DNAH12: variants seen among roughly 807,000 people sequenced by gnomAD.
The protein encoded by DNAH12 is axonemal beta dynein heavy chain 12.
In DNAH12, 285 loss-of-function variants were observed where a neutral mutation model predicts 371.5. That is an observed-to-expected ratio of 0.77 (90% CI 0.70 to 0.85). The LOEUF is 0.85. Ranked by LOEUF, DNAH12 falls within the 40% of genes least tolerant of loss-of-function variation. The pLI is 0.00. For synonymous variants in DNAH12, 1,200 were observed against 1,213.0 expected, an observed-to-expected ratio of 0.99 and a Z score of 0.22; for missense variants, 3,611 against 3,689.4, an observed-to-expected ratio of 0.98 and a Z score of 0.55.
At chr3:57,459,890 C>T (rs2066006719) in intron 19 of DNAH12, 104 bp from the exon 20 acceptor site, 7 of 989,616 alleles carry the variant, frequency 7.1e-6, no homozygotes, top group Non-Finnish European at 9.3e-6. Context: ...TAAATAAGTG[C>T]AAACATCTCA....
intron 32 of DNAH12, among the ~76,000 whole-genome samples, chr3:57,432,332 G>A (rs2153366039): frequency 1.9e-5 from 2 of 105,718 alleles, no homozygotes; most frequent in South Asian, 8.3e-4. Flanking sequence ...ACCACACCCA[G>A]CTAATTTTTT....
rs561592000 is a variant in DNAH12, at chr3:57,343,653, G to A, written c.9674+8432C>T. On this transcript the variant is annotated intron_variant, in intron 60 of 73. Transcript: ENST00000495027. ...ACCTGTAAAGGGTCTGTGCTGAGGT[G>A]GATTAGTAAAAGGGGAAAGCCTCTT... 2.6e-5 allele frequency among the ~76,000 whole-genome samples: 4 copies of A among 152,264 alleles called. No individual in the cohort carries two copies. In the South Asian group the frequency reaches 6.2e-4, roughly 24 times the overall value.
At position 57,403,253 on chromosome 3, in the gene DNAH12, C is replaced by T. The variant is rs373776037; in HGVS notation, c.6948+56G>A. 2.6e-4 allele frequency: 377 copies of T among 1,468,266 alleles called. No individual in the cohort carries two copies. The African/African-American group carries it at 3.9e-3, about 15-fold the overall frequency. 91.0% of individuals were successfully genotyped at this position (1,468,266 alleles called of 1,614,324 possible). A position where few individuals can be genotyped will look rare whatever the true frequency, so the allele number is the denominator to read the frequency against. ...GCTACACAGGCTGGTTCTCTCTTTA[C>T]GAGTAAAAGAATATACTGTTTTCAT... On this transcript the variant is annotated intron_variant, in intron 43 of 73. Coordinates refer to ENST00000495027, the MANE Select transcript of DNAH12 (RefSeq NM_001366028.2).
chr3:57,515,429 A>G (rs1426375247), intron 4 of DNAH12, among the ~76,000 whole-genome samples: 2 of 139,844 alleles, frequency 1.4e-5, no homozygotes, highest in Non-Finnish European at 3.1e-5. Flanking sequence ...CCACTGGCCA[A>G]ATGTGGAACA....
intron 41 of DNAH12, 92 bp downstream of exon 41, chr3:57,405,561 A>C (rs1245620692): frequency 7.7e-5 from 40 of 517,376 alleles, no homozygotes; most frequent in South Asian, 6.1e-4. Context: ...GAATATGTTC[A>C]TTAAGAAATG....
At chr3:57,332,129 A>G (rs186868689) in intron 62 of DNAH12, among the ~76,000 whole-genome samples, 23 of 152,130 alleles carry the variant, frequency 1.5e-4, no homozygotes, top group Admixed American at 7.2e-4. Flanking sequence ...CTGCTTTAAC[A>G]TTTGTCATGA....
At chr3:57,544,351 T>G (rs1358850307), upstream of DNAH12, 1 of 152,222 alleles carries the variant, frequency 6.6e-6, no homozygotes. Flanking sequence ...GGGCGGTCGC[T>G]GACCGGTTGG....
chr3:57,324,899 C>T (rs1016517919), intron 62 of DNAH12, among the ~76,000 whole-genome samples: 6 of 152,192 alleles, frequency 3.9e-5, no homozygotes, highest in Non-Finnish European at 7.3e-5. Flanking sequence ...GCTTAAAAAA[C>T]GGCACACCAG....
In DNAH12 at chr3:57,333,246, C is replaced by A. The variant is rs139147117; in HGVS notation, c.9978+1219G>T. ...TCCCGAGCTCGAACTCCTGACCTAG[C>A]GATCCACCCACCTCAGCCTCCCAAA... On this transcript the variant is annotated intron_variant, in intron 62 of 73. Coordinates refer to ENST00000495027, the MANE Select transcript of DNAH12 (RefSeq NM_001366028.2). 2.8e-3 allele frequency among the ~76,000 whole-genome samples: 428 copies of A among 151,248 alleles called. 2 individuals carry two copies. Among genetic ancestry groups the A allele is most frequent in the African/African-American group, 9.9e-3 (405 of 41,060 alleles).
intron 4 of DNAH12, among the ~76,000 whole-genome samples, chr3:57,512,016 A>G (rs181968897): frequency 1.2e-3 from 190 of 152,092 alleles, no homozygotes; most frequent in Middle Eastern, 6.8e-3. Flanking sequence ...CTTCCTAGCT[A>G]TGATTCAAAT....
At chr3:57,355,383 TATAAAA>T (rs1388587650) in intron 59 of DNAH12, among the ~76,000 whole-genome samples, 1 of 151,854 alleles carries the variant, frequency 6.6e-6, no homozygotes, top group African/African-American at 2.4e-5. Flanking sequence ...TAAAATGAAA[TATAAAA>T]ATAAACAAAT....
chr3:57,377,671 G>C (rs1309500050), intron 52 of DNAH12, among the ~76,000 whole-genome samples: 1 of 151,878 alleles, frequency 6.6e-6, no homozygotes, highest in Non-Finnish European at 1.5e-5. Context: ...GCCTTGCCAG[G>C]ATTAGAGCAG....
Position 57,437,047 on chromosome 3 carries a change from C to T in DNAH12, c.4559G>A (p.Cys1520Tyr). The change falls in exon 30 of 74, where the codon TGT becomes TAT. Residue 1520 changes from cysteine (C) to tyrosine (Y), a missense_variant. Transcript: ENST00000495027. The part of the protein sequence containing the change: ...PEADYHEFLE[C>Y]AHEACNVHNL... ...ATGTACATTGCAGGCTTCATGAGCACATTCCAAAAATTCCTGAAATAAAAA... is the reference window on the plus strand; with the variant it reads ...ATGTACATTGCAGGCTTCATGAGCATATTCCAAAAATTCCTGAAATAAAAA... 6.6e-7 allele frequency: 1 copy of T among 1,516,336 alleles called. No homozygotes were observed. The highest frequency in any genetic ancestry group is 8.8e-7 in the Non-Finnish European group (1 of 1,137,302). The allele number at this position is 1,516,336 out of a possible 1,614,324, so 93.9% of individuals were successfully genotyped here.
chr3:57,369,090 G>C (rs1209328001), intron 55 of DNAH12, among the ~76,000 whole-genome samples: 1 of 151,058 alleles, frequency 6.6e-6, no homozygotes, highest in African/African-American at 2.4e-5. Context: ...CGCAGTGGTG[G>C]GTGCCTGTAA....
chr3:57,442,196 T>G (rs1396013385), intron 29 of DNAH12, among the ~76,000 whole-genome samples: 1 of 152,090 alleles, frequency 6.6e-6, no homozygotes, highest in Non-Finnish European at 1.5e-5. Context: ...CTAAAGGAAG[T>G]TTTTTAGGTT....
intron 20 of DNAH12, among the ~76,000 whole-genome samples, chr3:57,459,064 A>G (rs77170451): frequency 0.024 from 3,655 of 152,316 alleles, 66 homozygotes; most frequent in Non-Finnish European, 0.034. Flanking sequence ...AAGTGGATGC[A>G]TATCTATGGA....
chr3:57,333,567 G>A (rs539395754), intron 62 of DNAH12, among the ~76,000 whole-genome samples: 1 of 152,048 alleles, frequency 6.6e-6, no homozygotes, highest in Non-Finnish European at 1.5e-5. Flanking sequence ...CTGACCTCAA[G>A]TGATCTGTCC....
At chr3:57,520,073 T>TATGGAGCCGCCC in intron 4 of DNAH12, 4 of 505,454 alleles carry the variant, frequency 7.9e-6, no homozygotes, top group Non-Finnish European at 3.4e-6. Context: ...GTGGCGGCTC[T>TATGGAGCCGCCC]GTGGCTACAG....
intron 30 of DNAH12, among the ~76,000 whole-genome samples, chr3:57,436,167 TA>T (rs769732409): frequency 6.6e-5 from 10 of 152,190 alleles, no homozygotes; most frequent in Non-Finnish European, 1.3e-4. Flanking sequence ...GGTGGCTCTC[TA>T]AGTAAATATA....
Sources: allele counts gnomAD v4.1 joint callset (sites outside exome capture counted in the v4.1 genomes callset), GRCh38; gene constraint gnomAD v4.1.1; transcripts MANE v1.5; gene names NCBI Gene and HGNC (gene_info 2026-07-23, HGNC 2026-07-21).